The following CLNK variants were observed in gnomAD, a reference collection of about 807,000 sequenced individuals.
CLNK encodes cytokine dependent hematopoietic cell linker.
In CLNK, 74 loss-of-function variants were observed where a neutral mutation model predicts 68.6. That is an observed-to-expected ratio of 1.08 (90% CI 0.89 to 1.31). CLNK has a LOEUF of 1.31. CLNK is among the 50% of genes most tolerant of loss of function. CLNK has a pLI of 0.00. For missense variants in CLNK, 553 were observed against 515.3 expected (o/e 1.07, Z -0.71); for synonymous variants, 198 against 172.2 (o/e 1.15, Z -1.17).
the CLNK span, among the ~76,000 whole-genome samples, chr4:10,717,333 C>A: frequency 6.6e-6 from 1 of 152,150 alleles, no homozygotes; most frequent in East Asian, 1.9e-4. Flanking sequence ...TGGTGGCTCA[C>A]GCCTGTAATC....
intron 4 of CLNK, among the ~76,000 whole-genome samples, chr4:10,576,062 T>A (rs1199177052): frequency 6.6e-6 from 1 of 152,212 alleles, no homozygotes; most frequent in Non-Finnish European, 1.5e-5. Context: ...GATGGGCATA[T>A]GGTGAATGCA....
At chr4:10,692,951 C>G in the CLNK span, among the ~76,000 whole-genome samples, 1 of 152,194 alleles carries the variant, frequency 6.6e-6, no homozygotes, top group Non-Finnish European at 1.5e-5. Flanking sequence ...CAAGGTATGG[C>G]TCCTGCATTG....
chr4:10,667,846 C>G lies in CLNK; in HGVS notation c.11+13G>C. 5.7e-6 allele frequency: 9 copies of G among 1,582,638 alleles called. No individual in the cohort carries two copies. The highest frequency in any genetic ancestry group is 7.7e-6 in the Non-Finnish European group (9 of 1,162,032). On this transcript the variant is annotated intron_variant, in intron 2 of 18. Coordinates refer to ENST00000226951, the MANE Select transcript of CLNK (RefSeq NM_052964.4). The stretch of plus-strand genomic sequence containing the variant: ...AAGGGAACTGGGGCTCACAGTGATC[C>G]CACGGTACTTACTGCCTGTTCATAG...
chr4:10,574,190 A>G (rs1720462687), intron 4 of CLNK, among the ~76,000 whole-genome samples: 1 of 152,152 alleles, frequency 6.6e-6, no homozygotes, highest in African/African-American at 2.4e-5. Flanking sequence ...GGCCCATGTC[A>G]TACAGACTAG....
At chr4:10,605,651 A>G (rs1721760048) in intron 2 of CLNK, among the ~76,000 whole-genome samples, 2 of 151,854 alleles carry the variant, frequency 1.3e-5, no homozygotes, top group Admixed American at 1.3e-4. Flanking sequence ...AACATGGTAA[A>G]ACCCCGTCTC....
chr4:10,668,668 T>C (rs1000357957), intron 1 of CLNK, among the ~76,000 whole-genome samples: 3 of 152,198 alleles, frequency 2.0e-5, no homozygotes, highest in Non-Finnish European at 4.4e-5. Flanking sequence ...CGCTGTCACA[T>C]GCCTGGGCTT....
intron 2 of CLNK, among the ~76,000 whole-genome samples, chr4:10,604,336 G>A (rs1162603437): frequency 3.3e-5 from 5 of 152,150 alleles, no homozygotes; most frequent in Admixed American, 1.3e-4. Flanking sequence ...CCAAGTGATC[G>A]ATGTCCATTT....
At chr4:10,530,555 A>C (rs1182220055) in intron 12 of CLNK, among the ~76,000 whole-genome samples, 1 of 152,248 alleles carries the variant, frequency 6.6e-6, no homozygotes, top group African/African-American at 2.4e-5. Flanking sequence ...AACTTCTAGC[A>C]GAATGCCAAC....
intron 11 of CLNK, among the ~76,000 whole-genome samples, chr4:10,533,603 C>A (rs1012146025): frequency 1.3e-5 from 2 of 152,148 alleles, no homozygotes; most frequent in Non-Finnish European, 2.9e-5. Context: ...CATCTTACCC[C>A]CTGCCTCCCG....
intron 2 of CLNK, among the ~76,000 whole-genome samples, chr4:10,630,756 A>G (rs1237509541): frequency 6.6e-6 from 1 of 152,200 alleles, no homozygotes; most frequent in African/African-American, 2.4e-5. Context: ...AATTATAACA[A>G]TAAGCCATTA....
chr4:10,723,193 G>T, the CLNK span, among the ~76,000 whole-genome samples: 2 of 152,212 alleles, frequency 1.3e-5, no homozygotes, highest in Admixed American at 1.3e-4. Flanking sequence ...CATAGCTGCA[G>T]TGAAGTTACA....
In CLNK at chr4:10,626,120, G is replaced by A. The variant is rs905874212; in HGVS notation, c.12-28071C>T. Among the ~76,000 whole-genome samples, 34 of 152,322 alleles carry A rather than the reference G, an allele frequency of 2.2e-4. 1 individual carries two copies. The highest frequency in any genetic ancestry group is 7.7e-4 in the African/African-American group (32 of 41,558). ...CCAGGTCTCCCTGGCTGGGGCTCAT[G>A]CCTTGTCCACTGTGCAGTGTCCGCC... On this transcript the variant is annotated intron_variant, in intron 2 of 18. Coordinates refer to ENST00000226951, the MANE Select transcript of CLNK (RefSeq NM_052964.4).
At chr4:10,500,859 C>T (rs75977427) in intron 18 of CLNK, among the ~76,000 whole-genome samples, 41 of 152,296 alleles carry the variant, frequency 2.7e-4, no homozygotes, top group African/African-American at 9.1e-4. Context: ...GCTGGGTTCA[C>T]ATTCATTTTG....
chr4:10,546,931 A>T (rs1488040373), intron 8 of CLNK, among the ~76,000 whole-genome samples: 1 of 152,184 alleles, frequency 6.6e-6, no homozygotes, highest in Non-Finnish European at 1.5e-5. Context: ...AGGGGATCAG[A>T]TGGTAAGGCG....
intron 2 of CLNK, among the ~76,000 whole-genome samples, chr4:10,642,293 A>G (rs1359285720): frequency 6.6e-6 from 1 of 152,190 alleles, no homozygotes; most frequent in Admixed American, 6.5e-5. Context: ...TCATGCAGAG[A>G]TGGCCGAGAT....
chr4:10,652,290 G>A (rs530815163), intron 2 of CLNK, among the ~76,000 whole-genome samples: 1 of 140,970 alleles, frequency 7.1e-6, no homozygotes, highest in Admixed American at 7.9e-5. Context: ...GCTGAGACAA[G>A]AGAATCACTT....
intron 11 of CLNK, among the ~76,000 whole-genome samples, chr4:10,537,694 C>CTTTCTTTCTTT (rs1560206942): frequency 1.6e-3 from 13 of 8,230 alleles, no homozygotes; most frequent in South Asian, 3.7e-3. Flanking sequence ...TTCCTTCCTT[C>CTTTCTTTCTTT]CTTCCTTCCT....
intron 18 of CLNK, among the ~76,000 whole-genome samples, chr4:10,499,736 T>C (rs1716963865): frequency 6.6e-6 from 1 of 152,126 alleles, no homozygotes; most frequent in African/African-American, 2.4e-5. Flanking sequence ...GAGGCTGAAG[T>C]CCCAAGGTCA....
At chr4:10,614,184 G>A (rs1339929848) in intron 2 of CLNK, among the ~76,000 whole-genome samples, 1 of 152,232 alleles carries the variant, frequency 6.6e-6, no homozygotes, top group African/African-American at 2.4e-5. Flanking sequence ...ATGTCTGGGT[G>A]AGATGTCTGC....
Sources: gnomAD v4.1 joint callset for allele counts (sites outside exome capture counted in the v4.1 genomes callset) on GRCh38, gnomAD v4.1.1 for gene constraint, MANE v1.5 for transcripts, NCBI Gene and HGNC (gene_info 2026-07-23, HGNC 2026-07-21) for gene names.